SEPSECS: variants seen among roughly 807,000 people sequenced by gnomAD.
SEPSECS encodes Sep (O-phosphoserine) tRNA:Sec (selenocysteine) tRNA synthase.
SEPSECS carries 42 observed loss-of-function variants against 52.1 expected under a neutral mutation model. That is an observed-to-expected ratio of 0.81 (90% CI 0.63 to 1.04). The LOEUF (loss-of-function observed/expected upper bound fraction) is 1.04. Ranked by LOEUF, SEPSECS falls within the 50% of genes least tolerant of loss-of-function variation. The pLI is 0.00. For synonymous variants in SEPSECS, 216 were observed against 211.4 expected, an observed-to-expected ratio of 1.02 and a Z score of -0.19; for missense variants, 590 against 610.6, an observed-to-expected ratio of 0.97 and a Z score of 0.36.
Position 25,158,936 on chromosome 4 carries a change from T to A in SEPSECS, c.269+17A>T, listed in dbSNP as rs1181352809. 6.2e-7 allele frequency: 1 copy of A among 1,611,048 alleles called. No individual in the cohort carries two copies. The highest frequency in any genetic ancestry group is 8.5e-7 in the Non-Finnish European group (1 of 1,177,282). On this transcript the variant is annotated intron_variant, in intron 2 of 10. Coordinates refer to ENST00000382103, the MANE Select transcript of SEPSECS (RefSeq NM_016955.4). ...TAAATAAACGATGTATCTCCTGTAC[T>A]ACTTAAAAAAAGATACCTGTAATGA...
At position 25,155,364 on chromosome 4, in the gene SEPSECS, T is replaced by G. The variant is rs74350239; in HGVS notation, c.548-213A>C. 4.9e-3 allele frequency: 2,869 copies of G among 590,476 alleles called. 48 individuals are homozygous for G. Among genetic ancestry groups the G allele is most frequent in the African/African-American group, 0.035 (1,865 of 53,818 alleles). 36.6% of individuals were successfully genotyped at this position (590,476 alleles called of 1,614,324 possible). On this transcript the variant is annotated intron_variant, in intron 4 of 10. Transcript: ENST00000382103. ...GGACTACTACACAATTTTAGGACCA[T>G]AAGTCTATTTAACACTTGGATATGA...
At chr4:25,134,069 G>A (rs1728725625) in intron 8 of SEPSECS, among the ~76,000 whole-genome samples, 1 of 134,038 alleles carries the variant, frequency 7.5e-6, no homozygotes, top group Non-Finnish European at 1.5e-5. Flanking sequence ...AGGCTGCAGT[G>A]AGCCATGATC....
At chr4:25,131,314 A>T (rs1037646323) in intron 8 of SEPSECS, among the ~76,000 whole-genome samples, 26 of 152,328 alleles carry the variant, frequency 1.7e-4, no homozygotes, top group African/African-American at 6.3e-4. Flanking sequence ...ATAAAATAAA[A>T]ATGGAACCTC....
chr4:25,135,199 A>C (rs1426738850), intron 8 of SEPSECS, among the ~76,000 whole-genome samples: 3 of 152,022 alleles, frequency 2.0e-5, no homozygotes, highest in Non-Finnish European at 4.4e-5. Flanking sequence ...GACAAGAAAC[A>C]ACCAAGATCA....
intron 8 of SEPSECS, among the ~76,000 whole-genome samples, chr4:25,129,328 T>C (rs1417019402): frequency 6.6e-6 from 1 of 151,906 alleles, no homozygotes; most frequent in African/African-American, 2.4e-5. Flanking sequence ...CTTAGACATA[T>C]AAAAATATCC....
rs143106168 is a variant in SEPSECS at position 25,137,505 on chromosome 4, A to G, written c.1026+7269T>C. Among the ~76,000 whole-genome samples, 1,460 of 152,292 alleles carry G rather than the reference A, an allele frequency of 9.6e-3. 26 individuals are homozygous for G. Among genetic ancestry groups the G allele is most frequent in the African/African-American group, 0.033 (1,373 of 41,556 alleles). ...GATCATGAGAGAAATGCAAATCAAA[A>G]CCACAATGAGATACCATCTCATGCC... On this transcript the variant is annotated intron_variant, in intron 8 of 10. Coordinates refer to ENST00000382103, the MANE Select transcript of SEPSECS (RefSeq NM_016955.4).
intron 8 of SEPSECS, among the ~76,000 whole-genome samples, chr4:25,132,116 C>T (rs1311158497): frequency 6.6e-6 from 1 of 152,138 alleles, no homozygotes; most frequent in Non-Finnish European, 1.5e-5. Context: ...GATCCTTTCA[C>T]CCTTCAAAAA....
intron 8 of SEPSECS, among the ~76,000 whole-genome samples, chr4:25,127,995 C>T (rs1211948616): frequency 1.3e-5 from 2 of 152,126 alleles, no homozygotes. Context: ...CCCAAGTGGT[C>T]CCTCTTGGCA....
intron 8 of SEPSECS, among the ~76,000 whole-genome samples, chr4:25,135,505 T>C (rs1029717681): frequency 6.6e-6 from 1 of 152,096 alleles, no homozygotes; most frequent in South Asian, 2.1e-4. Context: ...CTCCCAAGAC[T>C]GAACCAGGAA....
chr4:25,136,392 C>A (rs1405529614), intron 8 of SEPSECS, among the ~76,000 whole-genome samples: 1 of 152,096 alleles, frequency 6.6e-6, no homozygotes, highest in East Asian at 1.9e-4. Context: ...AAATCACAAG[C>A]ATTCCTATAC....
rs2109474748 is a variant in SEPSECS at position 25,122,486 on chromosome 4, C to G, written c.*1445G>C. The G allele has an allele frequency of 6.6e-6, 1 of 152,248 alleles. No individual in the cohort carries two copies. The highest frequency in any genetic ancestry group is 2.4e-5 in the African/African-American group (1 of 41,560). 9.4% of individuals were successfully genotyped at this position (152,248 alleles called of 1,614,324 possible). A position where few individuals can be genotyped will look rare whatever the true frequency, so the allele number is the denominator to read the frequency against. On this transcript the variant is annotated 3_prime_UTR_variant, in exon 11 of 11. Transcript: ENST00000382103. The stretch of plus-strand genomic sequence containing the variant: ...CAATGGGCTGTTAACAAATATTTCA[C>G]TTTAAAAAAATGAGTTTCTCTTTGG...
At chr4:25,135,900 C>A (rs1480493359) in intron 8 of SEPSECS, among the ~76,000 whole-genome samples, 1 of 152,100 alleles carries the variant, frequency 6.6e-6, no homozygotes, top group Non-Finnish European at 1.5e-5. Flanking sequence ...TGGTTCAACA[C>A]ACGCAAATCA....
chr4:25,130,782 A>G (rs571145777), intron 8 of SEPSECS, among the ~76,000 whole-genome samples: 1 of 152,232 alleles, frequency 6.6e-6, no homozygotes, highest in Admixed American at 6.5e-5. Context: ...ACTATCCTAC[A>G]CTAATACTTA....
At chr4:25,147,628 T>C (rs2109024558) in intron 6 of SEPSECS, among the ~76,000 whole-genome samples, 1 of 152,278 alleles carries the variant, frequency 6.6e-6, no homozygotes, top group Non-Finnish European at 1.5e-5. Flanking sequence ...TCTCTTAAAT[T>C]CGTCATTTTA....
Position 25,124,044 on chromosome 4 carries a change from G to A in SEPSECS, c.1393C>T (p.Arg465Ter), listed in dbSNP as rs773969315. 16 of 1,613,382 alleles carry A rather than the reference G, an allele frequency of 9.9e-6. No individual in the cohort carries two copies. Among genetic ancestry groups the A allele is most frequent in the African/African-American group, 2.7e-5 (2 of 74,836 alleles). Residue 465 changes from arginine to a stop codon, truncating the protein, a stop_gained, in exon 11 of 11, where the codon CGA becomes TGA. Transcript: ENST00000382103. LOFTEE classifies it low-confidence loss of function (END_TRUNC). The part of the protein sequence containing the change: ...DRCLKAVRKE[R>*]SKESDDNYDK... The stretch of plus-strand genomic sequence containing the variant: ...TAATTGTCATCACTCTCTTTACTTC[G>A]TTCTTTTCTTACTGCCTTTAAACAC...
At chr4:25,153,062 T>C (rs1423366606) in intron 5 of SEPSECS, among the ~76,000 whole-genome samples, 2 of 151,700 alleles carry the variant, frequency 1.3e-5, no homozygotes, top group Admixed American at 1.3e-4. Context: ...ACAAGTTTTC[T>C]TTTTTTTGTC....
intron 8 of SEPSECS, among the ~76,000 whole-genome samples, chr4:25,136,160 C>T (rs1728832593): frequency 6.6e-6 from 1 of 152,188 alleles, no homozygotes; most frequent in South Asian, 2.1e-4. Flanking sequence ...AGGATGCCCT[C>T]TCTCACCACT....
intron 9 of SEPSECS, among the ~76,000 whole-genome samples, chr4:25,126,781 G>C (rs1263143147): frequency 6.6e-6 from 1 of 152,126 alleles, no homozygotes; most frequent in African/African-American, 2.4e-5. Flanking sequence ...TTTAATTTCT[G>C]ATATGTTGGG....
At chr4:25,160,143 G>A (rs1712975911) in intron 1 of SEPSECS, 113 bp downstream of exon 1, 2 of 1,514,822 alleles carry the variant, frequency 1.3e-6, no homozygotes, top group East Asian at 2.5e-5. Flanking sequence ...GACAGACTTG[G>A]GACTAGTCTC....
Sources: allele counts gnomAD v4.1 joint callset (sites outside exome capture counted in the v4.1 genomes callset), GRCh38; gene constraint gnomAD v4.1.1; transcripts MANE v1.5; gene names NCBI Gene and HGNC (gene_info 2026-07-23, HGNC 2026-07-21).